Variants in PCDHA2 observed in about 807,000 individuals in gnomAD.
PCDHA2 encodes protocadherin alpha 2, also known as protocadherin alpha-2.
In PCDHA2, 58 loss-of-function variants were observed where a neutral mutation model predicts 66.0. The ratio of observed to expected loss-of-function variants is 0.88; its 90% CI spans 0.71 to 1.09. PCDHA2 has a LOEUF of 1.09. Among genes scored for constraint, PCDHA2 ranks in the 50% least tolerant of loss-of-function variants. The probability of loss-of-function intolerance (pLI) is 0.00; values close to 1 mark genes in which losing one functional copy is unlikely to be tolerated. For missense variants in PCDHA2, 1,267 were observed against 1,242.3 expected (o/e 1.02, Z -0.30); for synonymous variants, 634 against 554.0 (o/e 1.14, Z -2.03).
chr5:140,808,939 G>T (rs1168359860), intron 1 of PCDHA2: 2 of 1,613,726 alleles, frequency 1.2e-6, no homozygotes, highest in East Asian at 4.5e-5. Flanking sequence ...TGCCATGGTC[G>T]GTGGGTGTGG....
At chr5:140,803,642 C>T in intron 1 of PCDHA2, 5 of 1,613,154 alleles carry the variant, frequency 3.1e-6, no homozygotes, top group Non-Finnish European at 3.4e-6. Context: ...TTTCATTCCT[C>T]AATGTTTCCA....
At chr5:140,853,468 T>C in intron 1 of PCDHA2, 2 of 970,862 alleles carry the variant, frequency 2.1e-6, no homozygotes, top group African/African-American at 1.8e-5. Context: ...TATGCATCTG[T>C]AGTTAACATT....
chr5:140,869,677 C>T, intron 1 of PCDHA2: 1 of 1,613,420 alleles, frequency 6.2e-7, no homozygotes, highest in Non-Finnish European at 8.5e-7. Flanking sequence ...GATTAAAAGA[C>T]TGTCACTTAT....
At chr5:140,925,084 A>AGGAAGGAAGGAAGGAAGGAAGGAG (rs1554202501) in intron 1 of PCDHA2, among the ~76,000 whole-genome samples, 2 of 144,612 alleles carry the variant, frequency 1.4e-5, no homozygotes, top group African/African-American at 5.6e-5. Context: ...TCATCTGGAA[A>AGGAAGGAAGGAAGGAAGGAAGGAG]GGAAGGAAGG....
intron 1 of PCDHA2, chr5:140,829,605 C>G (rs2150171072): frequency 9.9e-6 from 16 of 1,611,986 alleles, no homozygotes; most frequent in Non-Finnish European, 1.2e-5. Context: ...CGCGCGTTGT[C>G]GAGCTACATT....
At chr5:140,938,709 T>C (rs1473474040) in intron 1 of PCDHA2, among the ~76,000 whole-genome samples, 2 of 152,176 alleles carry the variant, frequency 1.3e-5, no homozygotes, top group African/African-American at 2.4e-5. Context: ...ATGTTTATGA[T>C]AGAAACGCGT....
intron 1 of PCDHA2, chr5:140,928,827 A>G (rs1554206364): frequency 6.2e-7 from 1 of 1,614,130 alleles, no homozygotes. Flanking sequence ...GAGACCCACC[A>G]CTTTCCTCCT....
intron 3 of PCDHA2, among the ~76,000 whole-genome samples, chr5:140,998,912 C>T (rs1256504660): frequency 6.6e-6 from 1 of 152,182 alleles, no homozygotes; most frequent in Admixed American, 6.6e-5. Context: ...CGGGAGGTAG[C>T]TATTATATCC....
At chr5:140,972,624 G>A (rs2096543924) in intron 1 of PCDHA2, among the ~76,000 whole-genome samples, 1 of 150,616 alleles carries the variant, frequency 6.6e-6, no homozygotes, top group Non-Finnish European at 1.5e-5. Flanking sequence ...GAATGTTGTT[G>A]GCACTCCCTT....
intron 1 of PCDHA2, chr5:140,929,361 C>T (rs115903226): frequency 3.5e-5 from 53 of 1,519,472 alleles, no homozygotes; most frequent in Middle Eastern, 1.8e-4. Context: ...TCCTTTGGCC[C>T]GGAGATGGCT....
Position 140,851,361 on chromosome 5 carries a change from A to G in PCDHA2, c.2388+54009A>G, listed in dbSNP as rs1342409970. The G allele has an allele frequency of 6.1e-6, 6 of 978,064 alleles. No individual in the cohort carries two copies. In the African/African-American group the frequency reaches 8.8e-5, roughly 14 times the overall value. The allele number at this position is 978,064 out of a possible 1,614,324, so 60.6% of individuals were successfully genotyped here. On this transcript the variant is annotated intron_variant, in intron 1 of 3. Coordinates refer to ENST00000526136, the MANE Select transcript of PCDHA2 (RefSeq NM_018905.3). Reference sequence around the variant, plus strand: ...ACATTTCTCTGGATGGAGACTGTGAACATCTGATTGTTCAGCAACCTTCAG... The same window carrying G: ...ACATTTCTCTGGATGGAGACTGTGAGCATCTGATTGTTCAGCAACCTTCAG...
chr5:140,873,497 T>C (rs1236825837), intron 1 of PCDHA2, among the ~76,000 whole-genome samples: 1 of 152,230 alleles, frequency 6.6e-6, no homozygotes, highest in Non-Finnish European at 1.5e-5. Context: ...TGCAAAGTTG[T>C]GTCTTTTATA....
At chr5:140,860,216 T>C (rs1554153148) in intron 1 of PCDHA2, 2 of 150,242 alleles carry the variant, frequency 1.3e-5, no homozygotes, top group South Asian at 2.1e-4. Flanking sequence ...TATGTACTTA[T>C]GTATATATAA....
At chr5:140,877,959 T>C in intron 1 of PCDHA2, 2 of 1,325,332 alleles carry the variant, frequency 1.5e-6, no homozygotes, top group South Asian at 3.5e-5. Flanking sequence ...ATGTCTCATC[T>C]TTCTTGGTCA....
intron 1 of PCDHA2, among the ~76,000 whole-genome samples, chr5:140,941,284 TTCTCTTTC>T (rs1330714341): frequency 4.0e-5 from 5 of 124,574 alleles, no homozygotes; most frequent in African/African-American, 1.4e-4. Context: ...CTTCCTTCCT[TTCTCTTTC>T]TTTCTTTCTT....
chr5:140,899,721 T>C (rs1415074846), intron 1 of PCDHA2, among the ~76,000 whole-genome samples: 1 of 152,250 alleles, frequency 6.6e-6, no homozygotes, highest in Non-Finnish European at 1.5e-5. Flanking sequence ...GATTCCCTCT[T>C]TTTCTATTGA....
At position 140,797,028 on chromosome 5, in the gene PCDHA2, C is replaced by T. The variant is rs782536289; in HGVS notation, c.2064C>T (p.Gly688=). The T allele has an allele frequency of 6.2e-7, 1 of 1,613,732 alleles. No homozygotes were observed. The highest frequency in any genetic ancestry group is 8.5e-7 in the Non-Finnish European group (1 of 1,179,966). ...ASSRAWVGAA[G]SEATLVDVNV... ...CGCGGGCGTGGGTGGGCGCCGCGGGCTCAGAGGCTACGCTGGTGGATGTCA... is the reference window on the plus strand; with the variant it reads ...CGCGGGCGTGGGTGGGCGCCGCGGGTTCAGAGGCTACGCTGGTGGATGTCA... Residue 688 remains glycine (G), a synonymous_variant, in exon 1 of 4, where the codon GGC becomes GGT. Transcript: ENST00000526136.
At position 140,968,456 on chromosome 5, in the gene PCDHA2, A is replaced by G. The variant is rs782476018; in HGVS notation, c.2389-10493A>G. ...GAGCCCACCACTGAGCAGCACTGTG[A>G]CTGCCAACGTATATGTGGTGGACAT... On this transcript the variant is annotated intron_variant, in intron 1 of 3. Transcript: ENST00000526136. 82 of 1,613,964 alleles carry G rather than the reference A, an allele frequency of 5.1e-5. No individual in the cohort carries two copies. Among genetic ancestry groups the G allele is most frequent in the Non-Finnish European group, 6.2e-5 (73 of 1,180,022 alleles).
At chr5:140,850,239 C>T (rs1275916187) in intron 1 of PCDHA2, 1 of 1,594,010 alleles carries the variant, frequency 6.3e-7, no homozygotes, top group Admixed American at 1.7e-5. Context: ...CGAGATGGTG[C>T]TGCGGTCGGT....
Sources: gnomAD v4.1 joint callset for allele counts (sites outside exome capture counted in the v4.1 genomes callset) on GRCh38, gnomAD v4.1.1 for gene constraint, MANE v1.5 for transcripts, NCBI Gene and HGNC (gene_info 2026-07-23, HGNC 2026-07-21) for gene names.